CEP250: variants seen among roughly 807,000 people sequenced by gnomAD.
The protein encoded by CEP250 is centrosome-associated protein CEP250.
In CEP250, 242 loss-of-function variants were observed where a neutral mutation model predicts 315.7. That is an observed-to-expected ratio of 0.77 (90% CI 0.69 to 0.85). The LOEUF is 0.85. CEP250 is among the 40% of genes least tolerant of loss of function. The probability of loss-of-function intolerance (pLI) is 0.00; values close to 1 mark genes in which losing one functional copy is unlikely to be tolerated. For synonymous variants in CEP250, 1,088 were observed against 1,175.0 expected, an observed-to-expected ratio of 0.93 and a Z score of 1.51; for missense variants, 2,515 against 2,886.4, an observed-to-expected ratio of 0.87 and a Z score of 2.95.
In CEP250 at chr20:35,504,663, G is replaced by A. The variant is rs2147175819; in HGVS notation, c.6294G>A (p.Glu2098=). Residue 2098 remains glutamate (E), a synonymous_variant, in exon 30 of 35, where the codon GAG becomes GAA. Coordinates refer to ENST00000397527, the MANE Select transcript of CEP250 (RefSeq NM_007186.6). ...GGGGCCTTCATCAGAGTGTAAGGGAGCTACAGCTGACTCTAGCCCAAAAGG... is the reference window on the plus strand; with the variant it reads ...GGGGCCTTCATCAGAGTGTAAGGGAACTACAGCTGACTCTAGCCCAAAAGG... ...EIRGLHQSVR[E]LQLTLAQKEQ... The A allele has an allele frequency of 1.2e-6, 2 of 1,614,170 alleles. No individual in the cohort carries two copies. The highest frequency in any genetic ancestry group is 1.7e-6 in the Non-Finnish European group (2 of 1,180,034).
rs780146312 is a variant in CEP250, at chr20:35,467,403, C to T, written c.699C>T (p.Asn233=). The change falls in exon 9 of 35, where the codon AAC becomes AAT. Residue 233 remains asparagine, a synonymous_variant. Coordinates refer to ENST00000397527, the MANE Select transcript of CEP250 (RefSeq NM_007186.6). ...LTVGAQSREP[N]GSGRMDGREP... is the part of the protein sequence containing the mutation. ...TGGGAGCACAGTCTCGGGAACCCAA[C>T]GGATCTGGAAGAATGGATGGGCGGG... The T allele has an allele frequency of 1.3e-5, 21 of 1,614,046 alleles. No individual in the cohort carries two copies. The highest frequency in any genetic ancestry group is 6.7e-5 in the East Asian group (3 of 44,894).
At chr20:35,505,909 AGTGAT>A (rs1414531999) in intron 30 of CEP250, among the ~76,000 whole-genome samples, 2 of 151,956 alleles carry the variant, frequency 1.3e-5, no homozygotes, top group Non-Finnish European at 2.9e-5. Context: ...GCAGCAGGGG[AGTGAT>A]GTGATCAGAC....
intron 5 of CEP250, among the ~76,000 whole-genome samples, chr20:35,465,162 G>A (rs972259960): frequency 1.3e-5 from 2 of 152,150 alleles, no homozygotes; most frequent in African/African-American, 4.8e-5. Context: ...GCTCATGCCT[G>A]TAACCCCAGC....
intron 7 of CEP250, 30 bp downstream of exon 7, chr20:35,466,234 A>G: frequency 6.4e-7 from 1 of 1,556,472 alleles, no homozygotes; most frequent in East Asian, 2.4e-5. Context: ...GAACTGTGAG[A>G]GGAAGCCTGT....
chr20:35,475,286 C>T, intron 14 of CEP250, among the ~76,000 whole-genome samples: 1 of 152,216 alleles, frequency 6.6e-6, no homozygotes, highest in Non-Finnish European at 1.5e-5. Flanking sequence ...TATATTCTTT[C>T]TTCCCCCACT....
intron 1 of CEP250, among the ~76,000 whole-genome samples, chr20:35,456,295 T>G (rs2062623265): frequency 6.6e-6 from 1 of 152,206 alleles, no homozygotes; most frequent in Non-Finnish European, 1.5e-5. Context: ...GAAAAAGTAA[T>G]TTGCCAGGAG....
chr20:35,457,441 G>T (rs910761009), intron 1 of CEP250, among the ~76,000 whole-genome samples: 2 of 151,984 alleles, frequency 1.3e-5, no homozygotes, highest in East Asian at 3.9e-4. Flanking sequence ...ACAGCTCACT[G>T]CAGCCTCGAA....
intron 25 of CEP250, 39 bp from the exon 26 acceptor site, chr20:35,497,680 C>G: frequency 7.0e-7 from 1 of 1,430,766 alleles, no homozygotes; most frequent in Non-Finnish European, 9.5e-7. Context: ...AGAGGGTATC[C>G]GCTTCCTGCT....
chr20:35,457,926 G>A (rs998813043), intron 1 of CEP250, among the ~76,000 whole-genome samples: 4 of 152,230 alleles, frequency 2.6e-5, no homozygotes, highest in Non-Finnish European at 4.4e-5. Context: ...AGGAGACTGA[G>A]TGGGAGAGGC....
chr20:35,503,871 G>A lies in CEP250; in HGVS notation c.5502G>A (p.Glu1834=), dbSNP rs758579806. The A allele has an allele frequency of 1.2e-6, 2 of 1,613,940 alleles. No individual in the cohort carries two copies. Among genetic ancestry groups the A allele is most frequent in the Admixed American group, 3.3e-5 (2 of 60,004 alleles). ...AGCAGCAGGCCCAGGGACAGGAGGA[G>A]AGGGTGAAGGAAAAGGCAGACGCCC... ...QEQQQAQGQE[E]RVKEKADALQ... is the part of the protein sequence containing the mutation. The change falls in exon 30 of 35, where the codon GAG becomes GAA. Residue 1834 remains glutamate, a synonymous_variant. Transcript: ENST00000397527. The surrounding 1 kb of genome is among the most constrained non-coding windows in gnomAD (Gnocchi z 4.2).
intron 5 of CEP250, 128 bp downstream of exon 5, chr20:35,463,759 C>G: frequency 3.0e-5 from 18 of 603,432 alleles, no homozygotes; most frequent in Non-Finnish European, 4.3e-5. Context: ...CTTTCTCAGC[C>G]TCTGAGAGGT....
In CEP250 at chr20:35,497,800, G is replaced by T; in HGVS notation, c.3388G>T (p.Ala1130Ser). The T allele has an allele frequency of 2.6e-6, 4 of 1,561,506 alleles. No homozygotes were observed. The highest frequency in any genetic ancestry group is 3.5e-6 in the Non-Finnish European group (4 of 1,152,430). Residue 1130 changes from alanine (A) to serine (S), a missense_variant, in exon 26 of 35, where the codon GCG (alanine) becomes TCG (serine). Physicochemically the swap from Ala to Ser is moderately conservative, Grantham distance 99. Transcript: ENST00000397527. ...AGCACAGCTGCTGGAGGAGCTGGAGGCGTCTCATATCACGGAGCAGCAGCT... is the reference window on the plus strand; with the variant it reads ...AGCACAGCTGCTGGAGGAGCTGGAGTCGTCTCATATCACGGAGCAGCAGCT... Reference protein sequence around the residue: ...QEAQLLEELEASHITEQQLRA... With the variant: ...QEAQLLEELESSHITEQQLRA...
chr20:35,491,314 C>T lies in CEP250; in HGVS notation c.2857C>T (p.Gln953Ter), dbSNP rs1298884778. The change falls in exon 22 of 35, where the codon CAG (glutamine) becomes TAG (stop). Residue 953 changes from glutamine to a stop codon, truncating the protein, a stop_gained. Coordinates refer to ENST00000397527, the MANE Select transcript of CEP250 (RefSeq NM_007186.6). LOFTEE classifies it high-confidence loss of function. Reference protein sequence around the residue: ...DASQQLERLRQDMKVQKLKEQ... With the variant: ...DASQQLERLR ...CAGCCAACAACTGGAACGACTGAGG[C>T]AGGACATGAAAGTCCAGAAATTAAA... 2 of 1,599,564 alleles carry T rather than the reference C, an allele frequency of 1.3e-6. No homozygotes were observed. Among genetic ancestry groups the T allele is most frequent in the East Asian group, 2.3e-5 (1 of 44,164 alleles).
intron 17 of CEP250, among the ~76,000 whole-genome samples, chr20:35,478,522 G>A (rs909941959): frequency 3.9e-5 from 6 of 152,132 alleles, no homozygotes; most frequent in African/African-American, 1.4e-4. Flanking sequence ...CCGAGATTGC[G>A]CCACTGCACT....
intron 5 of CEP250, among the ~76,000 whole-genome samples, 190 bp downstream of exon 5, chr20:35,463,821 C>G (rs568264574): frequency 2.4e-4 from 37 of 152,330 alleles, no homozygotes; most frequent in African/African-American, 8.2e-4. Flanking sequence ...GATTCCAACC[C>G]TTGGTTTTCA....
At chr20:35,502,025 C>T (rs1010939619) in intron 29 of CEP250, 59 bp downstream of exon 29, 3 of 1,569,474 alleles carry the variant, frequency 1.9e-6, no homozygotes, top group Admixed American at 3.6e-5. Flanking sequence ...TTGGGCCCAC[C>T]TTGGCCTGTG....
At position 35,492,862 on chromosome 20, in the gene CEP250, G is replaced by A. The variant is rs138591707; in HGVS notation, c.2890-567G>A. 4.6e-3 allele frequency among the ~76,000 whole-genome samples: 695 copies of A among 152,118 alleles called. 4 individuals are homozygous for A. The highest frequency in any genetic ancestry group is 6.9e-3 in the Admixed American group (105 of 15,274). On this transcript the variant is annotated intron_variant, in intron 22 of 34. Coordinates refer to ENST00000397527, the MANE Select transcript of CEP250 (RefSeq NM_007186.6). ...TGTGCCTCAGCCTCCCAAGTAGCTGGGATTACAGGTGCCCGCCACCATGCT... is the reference window on the plus strand; with the variant it reads ...TGTGCCTCAGCCTCCCAAGTAGCTGAGATTACAGGTGCCCGCCACCATGCT...
At chr20:35,481,433 AT>A (rs1804719912) in intron 20 of CEP250, among the ~76,000 whole-genome samples, 1 of 151,922 alleles carries the variant, frequency 6.6e-6, no homozygotes, top group African/African-American at 2.4e-5. Context: ...AAAAAAGAAC[AT>A]TTTACTTGTT....
rs1224229293 is a variant in CEP250, at chr20:35,478,093, C to CT, written c.2087dup (p.Ser697LysfsTer2). ...AGAGAAGGAAGAAATTCAAAAGAAA[C>CT]TAAGTGAGGTGAGAAGCCAAAATGG... On this transcript the variant is annotated frameshift_variant, in exon 17 of 35. Transcript: ENST00000397527. LOFTEE classifies it high-confidence loss of function. The CT allele has an allele frequency of 6.2e-7, 1 of 1,612,520 alleles. No homozygotes were observed. Among genetic ancestry groups the CT allele is most frequent in the East Asian group, 2.2e-5 (1 of 44,868 alleles).
Sources: allele counts gnomAD v4.1 joint callset (sites outside exome capture counted in the v4.1 genomes callset), GRCh38; gene constraint gnomAD v4.1.1; non-coding constraint Gnocchi (gnomAD v3.1); transcripts MANE v1.5; gene names NCBI Gene and HGNC (gene_info 2026-07-23, HGNC 2026-07-21).